The following ZNF609 variants were observed in gnomAD, a reference collection of about 807,000 sequenced individuals.
The protein encoded by ZNF609 is zinc finger protein 609.
ZNF609 carries 11 observed loss-of-function variants against 109.5 expected under a neutral mutation model. That is an observed-to-expected ratio of 0.10 (90% CI 0.06 to 0.17). The LOEUF is 0.17. Among genes scored for constraint, ZNF609 ranks in the 10% least tolerant of loss-of-function variants. The probability of loss-of-function intolerance (pLI) is 1.00; values close to 1 mark genes in which losing one functional copy is unlikely to be tolerated. For missense variants in ZNF609, 1,559 were observed against 1,772.4 expected, an observed-to-expected ratio of 0.88 and a Z score of 2.16; for synonymous variants, 646 against 662.0, an observed-to-expected ratio of 0.98 and a Z score of 0.37.
chr15:64,647,413 G>A (rs990197999), intron 3 of ZNF609, among the ~76,000 whole-genome samples: 1 of 152,046 alleles, frequency 6.6e-6, no homozygotes, highest in African/African-American at 2.4e-5. Flanking sequence ...AATTTTTATT[G>A]TTGAACATTT....
chr15:64,574,329 A>G (rs1595723381), intron 2 of ZNF609, among the ~76,000 whole-genome samples: 1 of 152,044 alleles, frequency 6.6e-6, no homozygotes, highest in East Asian at 1.9e-4. Context: ...GGGTTTATTG[A>G]TGGAGTTCCT....
At chr15:64,652,357 G>A (rs1896430392) in intron 3 of ZNF609, among the ~76,000 whole-genome samples, 1 of 147,266 alleles carries the variant, frequency 6.8e-6, no homozygotes, top group African/African-American at 2.5e-5. Context: ...TTTTAGCCGG[G>A]ACTACAGGCA....
At chr15:64,477,187 C>T (rs942052336) in intron 1 of ZNF609, among the ~76,000 whole-genome samples, 5 of 131,708 alleles carry the variant, frequency 3.8e-5, no homozygotes, top group African/African-American at 1.2e-4. Context: ...GTTGCCTAGG[C>T]TGGAGTGCAG....
intron 3 of ZNF609, among the ~76,000 whole-genome samples, chr15:64,651,986 A>T (rs959785054): frequency 5.7e-4 from 86 of 151,258 alleles, no homozygotes; most frequent in African/African-American, 1.7e-3. Flanking sequence ...TCAGAAATTA[A>T]AAAAAAAAAA....
At chr15:64,538,801 T>G (rs1325462690) in intron 2 of ZNF609, among the ~76,000 whole-genome samples, 1 of 152,132 alleles carries the variant, frequency 6.6e-6, no homozygotes, top group Non-Finnish European at 1.5e-5. Flanking sequence ...TGCCTCGACC[T>G]CCCAAAGTGC....
At chr15:64,559,520 A>G (rs895743527) in intron 2 of ZNF609, among the ~76,000 whole-genome samples, 1 of 152,220 alleles carries the variant, frequency 6.6e-6, no homozygotes, top group African/African-American at 2.4e-5. Context: ...GGTATTCCCA[A>G]TTCTAACATT....
chr15:64,536,305 C>T (rs28635082), intron 2 of ZNF609, among the ~76,000 whole-genome samples: 7 of 151,948 alleles, frequency 4.6e-5, no homozygotes, highest in Admixed American at 6.6e-5. Context: ...TACAGGCATG[C>T]GCCCCTGTGC....
chr15:64,476,958 C>T (rs887804758), intron 1 of ZNF609, among the ~76,000 whole-genome samples: 1 of 151,894 alleles, frequency 6.6e-6, no homozygotes, highest in African/African-American at 2.4e-5. Flanking sequence ...TGGCCTAAAG[C>T]GTGAATTTTC....
At chr15:64,473,255 G>T (rs1893116770) in intron 1 of ZNF609, among the ~76,000 whole-genome samples, 1 of 137,980 alleles carries the variant, frequency 7.2e-6, no homozygotes, top group Non-Finnish European at 1.5e-5. Flanking sequence ...CTGGAGTCCA[G>T]TGGTGTGGTC....
chr15:64,574,700 T>C (rs939624670), intron 2 of ZNF609, among the ~76,000 whole-genome samples: 3 of 152,164 alleles, frequency 2.0e-5, no homozygotes, highest in African/African-American at 7.2e-5. Flanking sequence ...ACATGATTGC[T>C]CAAGTCCCTT....
intron 2 of ZNF609, among the ~76,000 whole-genome samples, chr15:64,557,648 A>T (rs905579497): frequency 2.0e-5 from 3 of 152,104 alleles, no homozygotes; most frequent in Non-Finnish European, 4.4e-5. Context: ...ATGAAATTGA[A>T]TTTTAGGAAT....
At chr15:64,528,677 G>T in intron 2 of ZNF609, 1 of 1,163,570 alleles carries the variant, frequency 8.6e-7, no homozygotes, top group Non-Finnish European at 1.3e-6. Flanking sequence ...TTACTCCTTG[G>T]AGGCATTGTG....
chr15:64,584,527 G>A (rs988137062), intron 2 of ZNF609, among the ~76,000 whole-genome samples: 5 of 151,752 alleles, frequency 3.3e-5, no homozygotes, highest in Non-Finnish European at 7.4e-5. Flanking sequence ...TCTCGAACTC[G>A]TGACCTCAAG....
intron 1 of ZNF609, among the ~76,000 whole-genome samples, chr15:64,465,951 A>G (rs1161565879): frequency 3.3e-5 from 5 of 151,708 alleles, no homozygotes; most frequent in Non-Finnish European, 5.9e-5. Context: ...CTCCATCTCT[A>G]CTAATAATAC....
chr15:64,540,614 C>G (rs1595712008), intron 2 of ZNF609, among the ~76,000 whole-genome samples: 1 of 151,044 alleles, frequency 6.6e-6, no homozygotes, highest in African/African-American at 2.4e-5. Context: ...CCATGTTGGC[C>G]AGCGTGGTCT....
rs1278129639 is a variant in ZNF609, at chr15:64,526,851, G to A, written c.747+26685G>A. Among the ~76,000 whole-genome samples, 4 of 152,062 alleles carry A rather than the reference G, an allele frequency of 2.6e-5. No individual in the cohort carries two copies. The East Asian group carries it at 5.8e-4, about 22-fold the overall frequency. ...ACACAGGGTTTCACTATGTTGCCCAGGCTGCCCAGTCTAGTCTCAAACTCT... is the reference window on the plus strand; with the variant it reads ...ACACAGGGTTTCACTATGTTGCCCAAGCTGCCCAGTCTAGTCTCAAACTCT... On this transcript the variant is annotated intron_variant, in intron 2 of 9. Coordinates refer to ENST00000326648, the MANE Select transcript of ZNF609 (RefSeq NM_015042.2).
intron 2 of ZNF609, among the ~76,000 whole-genome samples, chr15:64,556,653 A>G (rs1168904492): frequency 6.6e-6 from 1 of 152,178 alleles, no homozygotes; most frequent in African/African-American, 2.4e-5. Flanking sequence ...CTGCTTTACT[A>G]GTCTTTCACA....
At chr15:64,665,051 T>TG (rs1439981292) in intron 3 of ZNF609, among the ~76,000 whole-genome samples, 1 of 152,246 alleles carries the variant, frequency 6.6e-6, no homozygotes, top group Non-Finnish European at 1.5e-5. Flanking sequence ...GGCCACCTTT[T>TG]GGGGGAGACA....
intron 2 of ZNF609, among the ~76,000 whole-genome samples, chr15:64,615,642 A>G (rs1000264067): frequency 6.6e-6 from 1 of 151,994 alleles, no homozygotes; most frequent in Non-Finnish European, 1.5e-5. Flanking sequence ...ATGCACCACC[A>G]TGCCTGGCTA....
Sources: allele counts gnomAD v4.1 joint callset (sites outside exome capture counted in the v4.1 genomes callset), GRCh38; gene constraint gnomAD v4.1.1; transcripts MANE v1.5; gene names NCBI Gene and HGNC (gene_info 2026-07-23, HGNC 2026-07-21).